The following LURAP1L variants were observed in gnomAD, a reference collection of about 807,000 sequenced individuals.
LURAP1L encodes leucine rich adaptor protein 1 like, also known as leucine rich adaptor protein 1-like.
Under a neutral mutation model 13.8 loss-of-function variants are expected in LURAP1L, and 12 were observed. The observed-to-expected ratio is 0.87, with a 90% CI of 0.56 to 1.41. The LOEUF is 1.41. LURAP1L is among the 40% of genes most tolerant of loss of function. The probability of loss-of-function intolerance (pLI) is 0.00; values close to 1 mark genes in which losing one functional copy is unlikely to be tolerated. For synonymous variants in LURAP1L, 139 were observed against 119.2 expected, an observed-to-expected ratio of 1.17 and a Z score of -1.08; for missense variants, 375 against 292.9, an observed-to-expected ratio of 1.28 and a Z score of -2.04.
At chr9:12,786,121 A>G (rs1183958759) in intron 1 of LURAP1L, among the ~76,000 whole-genome samples, 6 of 152,150 alleles carry the variant, frequency 3.9e-5, no homozygotes, top group Admixed American at 3.9e-4. Context: ...ACACTTTTCA[A>G]GTATTATGTC....
In LURAP1L at chr9:12,775,900, A is replaced by T. The variant is rs756918427; in HGVS notation, c.185A>T (p.Tyr62Phe). The change falls in exon 1 of 2, where the codon TAC becomes TTC. Residue 62 changes from tyrosine to phenylalanine, a missense_variant. By Grantham distance (22) the Tyr-to-Phe change is conservative. Transcript: ENST00000319264. ...GGGGCSSSSSYCSFPPSLSSS... is the reference protein window; with the variant it reads ...GGGGCSSSSSFCSFPPSLSSS... ...GGCGGCTGCAGTAGCAGCAGCAGCT[A>T]CTGCAGCTTCCCTCCCTCCTTGTCG... is the stretch of plus-strand genomic sequence containing the variant. 4 of 1,179,304 alleles carry T rather than the reference A, an allele frequency of 3.4e-6. No homozygotes were observed. The highest frequency in any genetic ancestry group is 3.1e-5 in the African/African-American group (2 of 64,986). 73.1% of individuals were successfully genotyped at this position (1,179,304 alleles called of 1,614,324 possible).
At chr9:12,820,975 G>A (rs74797107) in intron 1 of LURAP1L, among the ~76,000 whole-genome samples, 4,709 of 152,222 alleles carry the variant, frequency 0.031, 101 homozygotes, top group Non-Finnish European at 0.033. Flanking sequence ...ACGATGCTGA[G>A]GATGACTCCT....
chr9:12,783,418 G>A (rs913146053), intron 1 of LURAP1L, among the ~76,000 whole-genome samples: 2 of 152,030 alleles, frequency 1.3e-5, no homozygotes, highest in African/African-American at 4.8e-5. Flanking sequence ...ATAAAGAGAT[G>A]CCAAATTTTA....
intron 1 of LURAP1L, among the ~76,000 whole-genome samples, chr9:12,815,495 C>A (rs1287317746): frequency 6.6e-6 from 1 of 152,136 alleles, no homozygotes; most frequent in Non-Finnish European, 1.5e-5. Flanking sequence ...AAAAGCAAGT[C>A]TAATCTTTCT....
intron 1 of LURAP1L, among the ~76,000 whole-genome samples, chr9:12,807,836 T>G (rs1819680815): frequency 1.3e-5 from 2 of 152,200 alleles, no homozygotes. Flanking sequence ...ATGATTCTAC[T>G]TTTTCTTCTC....
intron 1 of LURAP1L, among the ~76,000 whole-genome samples, chr9:12,789,349 G>A (rs1312934953): frequency 2.0e-5 from 3 of 152,080 alleles, no homozygotes; most frequent in African/African-American, 7.2e-5. Context: ...TATCTCTTTG[G>A]CTCAGGAAAA....
At chr9:12,811,657 A>G (rs1819737873) in intron 1 of LURAP1L, among the ~76,000 whole-genome samples, 1 of 152,248 alleles carries the variant, frequency 6.6e-6, no homozygotes, top group South Asian at 2.1e-4. Flanking sequence ...TATCAACAAA[A>G]TTATCCACAA....
chr9:12,819,932 C>A (rs1024189182), intron 1 of LURAP1L, among the ~76,000 whole-genome samples: 5 of 152,046 alleles, frequency 3.3e-5, no homozygotes, highest in African/African-American at 1.2e-4. Flanking sequence ...CCCGCCTGGG[C>A]AATAGAGTGA....
At chr9:12,814,268 A>G (rs1324158950) in intron 1 of LURAP1L, 1 of 152,186 alleles carries the variant, frequency 6.6e-6, no homozygotes, top group Admixed American at 6.5e-5. Context: ...TCTAAATTGA[A>G]AAGACACACA....
intron 1 of LURAP1L, among the ~76,000 whole-genome samples, chr9:12,819,728 G>T (rs148467340): frequency 0.022 from 3,398 of 152,210 alleles, 70 homozygotes; most frequent in Middle Eastern, 0.034. Flanking sequence ...GCTGAGGAGG[G>T]CAGATCACGA....
chr9:12,783,827 CT>C (rs60324198), intron 1 of LURAP1L, among the ~76,000 whole-genome samples: 2,943 of 117,300 alleles, frequency 0.025, 53 homozygotes, highest in African/African-American at 0.055. Flanking sequence ...AGGTCCTGGG[CT>C]TTTTTTTTTT....
At chr9:12,785,064 T>C (rs1819330552) in intron 1 of LURAP1L, among the ~76,000 whole-genome samples, 1 of 150,702 alleles carries the variant, frequency 6.6e-6, no homozygotes, top group Admixed American at 6.6e-5. Flanking sequence ...AAGGGCTCTT[T>C]TTCACCTTAT....
intron 1 of LURAP1L, among the ~76,000 whole-genome samples, chr9:12,776,614 T>C (rs562558216): frequency 4.6e-5 from 7 of 152,156 alleles, no homozygotes; most frequent in African/African-American, 1.7e-4. Flanking sequence ...CCACAGCTGG[T>C]TCTGAAAACA....
chr9:12,791,232 G>T (rs899496324), intron 1 of LURAP1L, among the ~76,000 whole-genome samples: 6 of 152,078 alleles, frequency 3.9e-5, no homozygotes, highest in African/African-American at 1.4e-4. Flanking sequence ...GAATTTTAAG[G>T]AATCGACCTG....
At chr9:12,807,094 A>AAATATATATATATATATAT (rs1554658948) in intron 1 of LURAP1L, among the ~76,000 whole-genome samples, 3 of 116,178 alleles carry the variant, frequency 2.6e-5, no homozygotes, top group African/African-American at 9.6e-5. Context: ...TCTCTACTAA[A>AAATATATATATATATATAT]ATATATATAT....
chr9:12,795,594 C>T lies in LURAP1L; in HGVS notation c.312+19567C>T, dbSNP rs143816911. 1.9e-3 allele frequency among the ~76,000 whole-genome samples: 282 copies of T among 151,978 alleles called. 1 individual carries two copies. Among genetic ancestry groups the T allele is most frequent in the African/African-American group, 6.3e-3 (263 of 41,472 alleles). ...ATGGTTATGTTGGAGTTAATGAGAACAAGACTGAAAAGGTAAAATCAGCCT... is the reference window on the plus strand; with the variant it reads ...ATGGTTATGTTGGAGTTAATGAGAATAAGACTGAAAAGGTAAAATCAGCCT... On this transcript the variant is annotated intron_variant, in intron 1 of 1. Transcript: ENST00000319264.
At chr9:12,819,723 G>C (rs1819847845) in intron 1 of LURAP1L, among the ~76,000 whole-genome samples, 1 of 152,168 alleles carries the variant, frequency 6.6e-6, no homozygotes, top group Non-Finnish European at 1.5e-5. Context: ...GGGAGGCTGA[G>C]GAGGGCAGAT....
At chr9:12,820,184 C>A (rs971200383) in intron 1 of LURAP1L, among the ~76,000 whole-genome samples, 1 of 152,076 alleles carries the variant, frequency 6.6e-6, no homozygotes, top group Non-Finnish European at 1.5e-5. Flanking sequence ...AGATAGATAT[C>A]CCTGAAGTAA....
intron 1 of LURAP1L, among the ~76,000 whole-genome samples, chr9:12,786,162 G>C (rs1441080206): frequency 2.6e-5 from 4 of 151,928 alleles, no homozygotes; most frequent in Non-Finnish European, 5.9e-5. Flanking sequence ...CCACTTATGA[G>C]GTAGACACTA....
Sources: allele counts gnomAD v4.1 joint callset (sites outside exome capture counted in the v4.1 genomes callset), GRCh38; gene constraint gnomAD v4.1.1; transcripts MANE v1.5; gene names NCBI Gene and HGNC (gene_info 2026-07-23, HGNC 2026-07-21).